The following RBMS3 variants were observed in gnomAD, a reference collection of about 807,000 sequenced individuals.
RBMS3 encodes RNA-binding motif, single-stranded-interacting protein 3.
RBMS3 carries 27 observed loss-of-function variants against 66.8 expected under a neutral mutation model. The ratio of observed to expected loss-of-function variants is 0.40; its 90% confidence interval spans 0.30 to 0.56. The LOEUF (loss-of-function observed/expected upper bound fraction) is 0.56. Ranked by LOEUF, RBMS3 falls within the 20% of genes least tolerant of loss-of-function variation. The pLI, the probability that RBMS3 is intolerant of heterozygous loss-of-function variation, is 0.40. For synonymous variants in RBMS3, 188 were observed against 183.0 expected, an observed-to-expected ratio of 1.03 and a Z score of -0.22; for missense variants, 513 against 549.5, an observed-to-expected ratio of 0.93 and a Z score of 0.66.
At chr3:29,308,051 A>G (rs771207205) in intron 1 of RBMS3, among the ~76,000 whole-genome samples, 1 of 151,928 alleles carries the variant, frequency 6.6e-6, no homozygotes. Flanking sequence ...AACTTTCTAT[A>G]TATTGGAAAC....
At chr3:29,858,698 T>C (rs896835122) in intron 6 of RBMS3, among the ~76,000 whole-genome samples, 8 of 152,224 alleles carry the variant, frequency 5.3e-5, no homozygotes, top group African/African-American at 1.9e-4. Context: ...AACATTAACT[T>C]TTTCCACTTG....
Position 30,004,019 on chromosome 3 carries a change from A to T in RBMS3, c.*157A>T, listed in dbSNP as rs796343681. ...GTGTTATACCTTACCCAATGAAAGCAAAGTTTTTATGTGCTGTGCAAATGG... is the reference window on the plus strand; with the variant it reads ...GTGTTATACCTTACCCAATGAAAGCTAAGTTTTTATGTGCTGTGCAAATGG... On this transcript the variant is annotated 3_prime_UTR_variant, in exon 15 of 15. Transcript: ENST00000383767. 20 of 493,584 alleles carry T rather than the reference A, an allele frequency of 4.1e-5. 1 individual carries two copies. Among genetic ancestry groups the T allele is most frequent in the African/African-American group, 3.6e-4 (18 of 50,400 alleles). 30.6% of individuals were successfully genotyped at this position (493,584 alleles called of 1,614,324 possible). A position where few individuals can be genotyped will look rare whatever the true frequency, so the allele number is the denominator to read the frequency against.
chr3:29,725,234 C>A (rs1001694481), intron 4 of RBMS3, among the ~76,000 whole-genome samples: 1 of 152,136 alleles, frequency 6.6e-6, no homozygotes, highest in African/African-American at 2.4e-5. Flanking sequence ...AGCCTAGGCA[C>A]TCTAAGTAAA....
chr3:29,714,818 TG>T (rs2053322870), intron 4 of RBMS3, among the ~76,000 whole-genome samples: 1 of 151,992 alleles, frequency 6.6e-6, no homozygotes, highest in East Asian at 1.9e-4. Context: ...AAGACAATGT[TG>T]AATGGGCTGC....
At chr3:29,925,690 GA>G (rs1342391250) in intron 10 of RBMS3, among the ~76,000 whole-genome samples, 1 of 152,106 alleles carries the variant, frequency 6.6e-6, no homozygotes, top group African/African-American at 2.4e-5. Flanking sequence ...ACCAAATGCA[GA>G]GCTAAGCTTT....
intron 6 of RBMS3, among the ~76,000 whole-genome samples, chr3:29,815,714 T>C (rs1011262713): frequency 6.6e-6 from 1 of 152,026 alleles, no homozygotes; most frequent in Admixed American, 6.6e-5. Context: ...TGTTCTCACT[T>C]ATAAGTGGGA....
chr3:29,401,455 C>T (rs1156446752), intron 1 of RBMS3, among the ~76,000 whole-genome samples: 1 of 152,040 alleles, frequency 6.6e-6, no homozygotes, highest in Admixed American at 6.6e-5. Context: ...AGTTTTAGGA[C>T]AATATATACC....
At chr3:29,393,511 A>C (rs1575695898) in intron 1 of RBMS3, among the ~76,000 whole-genome samples, 1 of 152,174 alleles carries the variant, frequency 6.6e-6, no homozygotes. Flanking sequence ...TGGATGATGA[A>C]CTACCCAGAT....
Position 29,461,882 on chromosome 3 carries a change from T to C in RBMS3, c.249-26559T>C, listed in dbSNP as rs550563572. Among the ~76,000 whole-genome samples, 3 of 150,384 alleles carry C rather than the reference T, an allele frequency of 2.0e-5. No individual in the cohort carries two copies. The East Asian group carries it at 5.9e-4, about 29-fold the overall frequency. On this transcript the variant is annotated intron_variant, in intron 2 of 14. Coordinates refer to ENST00000383767, the MANE Select transcript of RBMS3 (RefSeq NM_001003793.3). ...CATTCTCCTGCCTCAGCCTCCCAAG[T>C]AGCTGGGACTACAGGCACCCGCCAC...
intron 8 of RBMS3, among the ~76,000 whole-genome samples, chr3:29,884,439 TC>T (rs1559767214): frequency 3.0e-4 from 36 of 118,408 alleles, no homozygotes; most frequent in Admixed American, 4.3e-4. Flanking sequence ...TCTCTCTCTC[TC>T]TCTCTCTCTC....
chr3:29,574,862 C>CACAG (rs2047065207), intron 3 of RBMS3, among the ~76,000 whole-genome samples: 1 of 145,824 alleles, frequency 6.9e-6, no homozygotes, highest in African/African-American at 2.6e-5. Flanking sequence ...CACACACACA[C>CACAG]AAGAAAATTA....
chr3:29,857,819 A>G (rs916475247), intron 6 of RBMS3, among the ~76,000 whole-genome samples: 1 of 152,084 alleles, frequency 6.6e-6, no homozygotes, highest in Non-Finnish European at 1.5e-5. Flanking sequence ...CCTGACCTCA[A>G]TCAAATCAAA....
chr3:29,951,574 T>C (rs2149715951), intron 12 of RBMS3, among the ~76,000 whole-genome samples: 1 of 151,880 alleles, frequency 6.6e-6, no homozygotes, highest in South Asian at 2.1e-4. Context: ...TCATGATCGA[T>C]ATTAAATAAT....
intron 10 of RBMS3, among the ~76,000 whole-genome samples, chr3:29,918,972 A>G (rs2060704321): frequency 6.6e-6 from 1 of 152,116 alleles, no homozygotes; most frequent in Non-Finnish European, 1.5e-5. Context: ...AAAAAGTTAT[A>G]AAAACAAGCA....
chr3:29,733,855 C>T (rs1393335570), intron 4 of RBMS3, among the ~76,000 whole-genome samples: 1 of 152,064 alleles, frequency 6.6e-6, no homozygotes, highest in Admixed American at 6.6e-5. Context: ...CTTATGTAGT[C>T]TTCTAGTAGT....
chr3:29,535,417 T>G (rs2045515529), intron 3 of RBMS3, among the ~76,000 whole-genome samples: 1 of 152,172 alleles, frequency 6.6e-6, no homozygotes, highest in South Asian at 2.1e-4. Flanking sequence ...GTAATGAAAC[T>G]GTTCAAATTC....
chr3:29,389,354 C>T (rs1447336408), intron 1 of RBMS3, among the ~76,000 whole-genome samples: 1 of 152,194 alleles, frequency 6.6e-6, no homozygotes, highest in Non-Finnish European at 1.5e-5. Flanking sequence ...AAAAAGGTCA[C>T]TCTTCTGCTG....
At chr3:29,361,337 G>A (rs1363780000) in intron 1 of RBMS3, among the ~76,000 whole-genome samples, 6 of 150,908 alleles carry the variant, frequency 4.0e-5, no homozygotes, top group Admixed American at 3.9e-4. Context: ...GAAATTCTGG[G>A]TTGAAAATTC....
intron 1 of RBMS3, among the ~76,000 whole-genome samples, chr3:29,326,648 G>A (rs998189871): frequency 2.3e-4 from 35 of 151,728 alleles, no homozygotes; most frequent in Non-Finnish European, 2.5e-4. Context: ...GTATTCCCTC[G>A]TACTGAGCTC....
Sources: allele counts gnomAD v4.1 joint callset (sites outside exome capture counted in the v4.1 genomes callset), GRCh38; gene constraint gnomAD v4.1.1; transcripts MANE v1.5; gene names NCBI Gene and HGNC (gene_info 2026-07-23, HGNC 2026-07-21).